ELMO1: variants seen among roughly 807,000 people sequenced by gnomAD.
ELMO1 encodes engulfment and cell motility protein 1.
In ELMO1, 26 loss-of-function variants were observed where a neutral mutation model predicts 98.9. The ratio of observed to expected loss-of-function variants is 0.26; its 90% CI spans 0.19 to 0.36. The LOEUF is 0.36. Ranked by LOEUF, ELMO1 falls within the 10% of genes least tolerant of loss-of-function variation. The pLI is 1.00. For synonymous variants in ELMO1, 346 were observed against 346.0 expected (o/e 1.00, Z 0.00); for missense variants, 627 against 935.2 (o/e 0.67, Z 4.30).
In ELMO1 at chr7:36,994,463, A is replaced by C. The variant is rs1792069860; in HGVS notation, c.1437+18836T>G. 2.0e-5 allele frequency among the ~76,000 whole-genome samples: 3 copies of C among 152,358 alleles called. No individual in the cohort carries two copies. In the South Asian group the frequency reaches 6.2e-4, roughly 32 times the overall value. On this transcript the variant is annotated intron_variant, in intron 16 of 21. Transcript: ENST00000310758. ...GATGTATCTGTTAACTTAGCCAAGA[A>C]GACAAAATCCTACTGCAAACCTTAA...
intron 2 of ELMO1, among the ~76,000 whole-genome samples, chr7:37,317,158 C>T (rs778426166): frequency 1.3e-5 from 2 of 152,170 alleles, no homozygotes; most frequent in African/African-American, 2.4e-5. Context: ...CACCCTTGGA[C>T]GTGATGCTAT....
Position 36,870,347 on chromosome 7 carries a change from C to A in ELMO1, c.1905+46G>T. On this transcript the variant is annotated intron_variant, in intron 20 of 21. Coordinates refer to ENST00000310758, the MANE Select transcript of ELMO1 (RefSeq NM_014800.11). The surrounding 1 kb of genome is among the most constrained non-coding windows in gnomAD (Gnocchi z 4.4). ...GGGCTAGGCTGGCTGCAGTTGCCGA[C>A]CGCACTGGGCAAATAGAGCTATTTG... is the stretch of plus-strand genomic sequence containing the variant. The A allele has an allele frequency of 6.3e-7, 1 of 1,594,390 alleles. No individual in the cohort carries two copies. Among genetic ancestry groups the A allele is most frequent in the Non-Finnish European group, 8.6e-7 (1 of 1,163,138 alleles).
chr7:37,081,719 C>T (rs1398422402), intron 15 of ELMO1, among the ~76,000 whole-genome samples: 5 of 152,170 alleles, frequency 3.3e-5, no homozygotes, highest in Admixed American at 3.3e-4. Flanking sequence ...AACTGTGAGT[C>T]CATTAAACCT....
intron 2 of ELMO1, among the ~76,000 whole-genome samples, chr7:37,316,874 A>G (rs1268937174): frequency 6.6e-6 from 1 of 152,184 alleles, no homozygotes; most frequent in Non-Finnish European, 1.5e-5. Context: ...TCCTGTCTAT[A>G]TGAAGGGCAA....
At chr7:37,069,416 T>G (rs753613139) in intron 15 of ELMO1, among the ~76,000 whole-genome samples, 27 of 152,168 alleles carry the variant, frequency 1.8e-4, no homozygotes, top group Non-Finnish European at 2.4e-4. Flanking sequence ...ACTCCATCAC[T>G]TCCCAACCAC....
chr7:37,028,027 G>A (rs539664110), intron 15 of ELMO1, among the ~76,000 whole-genome samples: 14 of 150,178 alleles, frequency 9.3e-5, no homozygotes, highest in Admixed American at 8.7e-4. Context: ...ACCATACTAC[G>A]AGAACTGTCT....
chr7:37,088,859 C>T (rs1215058163), intron 15 of ELMO1, among the ~76,000 whole-genome samples: 3 of 152,146 alleles, frequency 2.0e-5, no homozygotes, highest in African/African-American at 7.2e-5. Flanking sequence ...CAAAGTTAGG[C>T]TTTAGAACAT....
At chr7:37,362,665 G>A (rs1000623105) in intron 1 of ELMO1, among the ~76,000 whole-genome samples, 24 of 151,980 alleles carry the variant, frequency 1.6e-4, no homozygotes, top group African/African-American at 5.1e-4. Flanking sequence ...AGCTACTTAG[G>A]TATCTCACAA....
intron 1 of ELMO1, among the ~76,000 whole-genome samples, chr7:37,391,392 A>G (rs1213351840): frequency 6.6e-6 from 1 of 152,224 alleles, no homozygotes; most frequent in African/African-American, 2.4e-5. Context: ...CTGGCATTAC[A>G]GGCATGAGCC....
In ELMO1 at chr7:37,241,816, T is replaced by C. The variant is rs534238038; in HGVS notation, c.449+2540A>G. Among the ~76,000 whole-genome samples, 4 of 152,316 alleles carry C rather than the reference T, an allele frequency of 2.6e-5. No individual in the cohort carries two copies. In the East Asian group the frequency reaches 7.7e-4, roughly 29 times the overall value. On this transcript the variant is annotated intron_variant, in intron 7 of 21. Transcript: ENST00000310758. ...TGCTCTCATTGTCATACATATTGCA[T>C]CAACATATGTCATAAACCCTACCAA... is the stretch of plus-strand genomic sequence containing the variant.
At chr7:37,371,349 T>C (rs1802108244) in intron 1 of ELMO1, among the ~76,000 whole-genome samples, 1 of 152,200 alleles carries the variant, frequency 6.6e-6, no homozygotes, top group Non-Finnish European at 1.5e-5. Flanking sequence ...GCATGATGGG[T>C]ACATGGATCT....
chr7:37,161,493 C>T (rs972096550), intron 13 of ELMO1, among the ~76,000 whole-genome samples: 2 of 151,970 alleles, frequency 1.3e-5, no homozygotes, highest in African/African-American at 4.8e-5. Flanking sequence ...GATATTCTAC[C>T]TCTCTATCTC....
chr7:37,316,588 C>A (rs1244528920), intron 2 of ELMO1, among the ~76,000 whole-genome samples: 1 of 152,178 alleles, frequency 6.6e-6, no homozygotes, highest in Non-Finnish European at 1.5e-5. Flanking sequence ...TTGTGCCTAA[C>A]AGCCACACTT....
intron 14 of ELMO1, among the ~76,000 whole-genome samples, chr7:37,113,970 AC>A (rs1472866361): frequency 1.3e-5 from 2 of 152,164 alleles, no homozygotes; most frequent in Non-Finnish European, 2.9e-5. Flanking sequence ...AGTTTAAGCC[AC>A]CCAGTATGTG....
chr7:37,290,446 C>T (rs1797617453), intron 4 of ELMO1, among the ~76,000 whole-genome samples: 1 of 152,142 alleles, frequency 6.6e-6, no homozygotes, highest in Non-Finnish European at 1.5e-5. Flanking sequence ...AAATACATCT[C>T]AGTGTATTTG....
At chr7:37,316,057 G>A in intron 2 of ELMO1, 97 bp from the exon 3 acceptor site, 1 of 990,052 alleles carries the variant, frequency 1.0e-6, no homozygotes, top group South Asian at 1.4e-5. Flanking sequence ...TCTAAGCAAA[G>A]AGAATTTACA....
intron 4 of ELMO1, among the ~76,000 whole-genome samples, chr7:37,274,461 C>G (rs546087279): frequency 1.1e-4 from 17 of 152,276 alleles, no homozygotes; most frequent in Admixed American, 9.2e-4. Flanking sequence ...GGTCCCTTCC[C>G]AAGAGGAAAG....
chr7:36,903,685 C>A (rs529287037), intron 16 of ELMO1, among the ~76,000 whole-genome samples: 114 of 152,244 alleles, frequency 7.5e-4, no homozygotes, highest in African/African-American at 2.6e-3. Flanking sequence ...AACACTGGTC[C>A]GAATTAGGCA....
chr7:36,932,823 G>A (rs1247995476), intron 16 of ELMO1, among the ~76,000 whole-genome samples: 5 of 152,176 alleles, frequency 3.3e-5, no homozygotes, highest in Non-Finnish European at 7.3e-5. Context: ...ATTCATCACT[G>A]AGTGTCCAAG....
Sources: gnomAD v4.1 joint callset for allele counts (sites outside exome capture counted in the v4.1 genomes callset) on GRCh38, gnomAD v4.1.1 for gene constraint, Gnocchi (gnomAD v3.1) non-coding constraint, MANE v1.5 for transcripts, NCBI Gene and HGNC (gene_info 2026-07-23, HGNC 2026-07-21) for gene names.